AP2S1: variants seen among roughly 807,000 people sequenced by gnomAD.
AP2S1 encodes the protein adaptor related protein complex 2 subunit sigma 1, also known as AP-2 complex subunit sigma.
A neutral mutation model predicts 21.0 loss-of-function variants in AP2S1; 6 were observed. The ratio of observed to expected loss-of-function variants is 0.29; its 90% CI spans 0.16 to 0.56. The LOEUF is 0.56. Ranked by LOEUF, AP2S1 falls within the 20% of genes least tolerant of loss-of-function variation. The pLI, the probability that AP2S1 is intolerant of heterozygous loss-of-function variation, is 0.92. For synonymous variants in AP2S1, 63 were observed against 74.6 expected, an observed-to-expected ratio of 0.84 and a Z score of 0.80; for missense variants, 60 against 186.2, an observed-to-expected ratio of 0.32 and a Z score of 3.95.
At chr19:46,844,583 A>C (rs1428235074) in intron 2 of AP2S1, among the ~76,000 whole-genome samples, 1 of 151,612 alleles carries the variant, frequency 6.6e-6, no homozygotes, top group Non-Finnish European at 1.5e-5. Flanking sequence ...AGATCACTTG[A>C]GCTCAAGAGT....
chr19:46,839,774 C>A, intron 2 of AP2S1, 196 bp from the exon 3 acceptor site: 1 of 883,064 alleles, frequency 1.1e-6, no homozygotes, highest in Non-Finnish European at 1.7e-6. Context: ...CAGGCATCCC[C>A]AGAATGGACA....
chr19:46,843,502 G>A (rs528299760), intron 2 of AP2S1, among the ~76,000 whole-genome samples: 51 of 152,186 alleles, frequency 3.4e-4, no homozygotes, highest in African/African-American at 7.2e-4. Flanking sequence ...TGGGCGGATC[G>A]CTGGAGCTCA....
At chr19:46,845,098 C>G (rs1206313121) in intron 2 of AP2S1, among the ~76,000 whole-genome samples, 1 of 59,414 alleles carries the variant, frequency 1.7e-5, no homozygotes, top group Non-Finnish European at 3.2e-5. Flanking sequence ...GACTCCATTT[C>G]AGAAAAAAAA....
intron 2 of AP2S1, among the ~76,000 whole-genome samples, chr19:46,843,219 A>C: frequency 6.6e-6 from 1 of 151,760 alleles, no homozygotes; most frequent in Non-Finnish European, 1.5e-5. Flanking sequence ...CACCTCCAAA[A>C]CGCTCCTGGC....
At chr19:46,850,269 T>G (rs2055714832) in intron 1 of AP2S1, 1 of 1,234,400 alleles carries the variant, frequency 8.1e-7, no homozygotes. Context: ...CCTGCCCCTG[T>G]CTCAACATCC....
intron 1 of AP2S1, among the ~76,000 whole-genome samples, chr19:46,848,898 A>G (rs2055683425): frequency 6.6e-6 from 1 of 151,442 alleles, no homozygotes; most frequent in Admixed American, 6.6e-5. Flanking sequence ...TTTTTAGTAG[A>G]GACAGGGTTT....
At chr19:46,844,899 C>G (rs567132674) in intron 2 of AP2S1, among the ~76,000 whole-genome samples, 2 of 150,740 alleles carry the variant, frequency 1.3e-5, no homozygotes, top group African/African-American at 4.9e-5. Context: ...ATCAGGAGGT[C>G]AAGACCAGTC....
intron 2 of AP2S1, among the ~76,000 whole-genome samples, chr19:46,845,362 T>C (rs2055611714): frequency 1.3e-5 from 2 of 150,296 alleles, no homozygotes; most frequent in Non-Finnish European, 3.0e-5. Context: ...GCTGAGATCA[T>C]GCCACTGCAC....
intron 2 of AP2S1, among the ~76,000 whole-genome samples, chr19:46,844,368 C>T (rs982730628): frequency 4.6e-5 from 7 of 152,142 alleles, no homozygotes; most frequent in African/African-American, 1.7e-4. Flanking sequence ...TTCTCCTGCC[C>T]CAGGGACTTT....
Position 46,850,767 on chromosome 19 carries a change from G to A in AP2S1, c.-1C>T. On this transcript the variant is annotated 5_prime_UTR_variant, in exon 1 of 5. Transcript: ENST00000263270. ...CGGCGTAGCGCTCCCCCGTTACCATGGCGACCCCCGTCCAGACCCCAGCGG... is the reference window on the plus strand; with the variant it reads ...CGGCGTAGCGCTCCCCCGTTACCATAGCGACCCCCGTCCAGACCCCAGCGG... 3 of 1,588,294 alleles carry A rather than the reference G, an allele frequency of 1.9e-6. No homozygotes were observed. The highest frequency in any genetic ancestry group is 2.6e-6 in the Non-Finnish European group (3 of 1,164,982).
intron 3 of AP2S1, 26 bp downstream of exon 3, chr19:46,839,439 C>CCCCCCAAAA: frequency 2.5e-6 from 4 of 1,569,690 alleles, no homozygotes; most frequent in Non-Finnish European, 3.5e-6. Flanking sequence ...CCCGCCTCCC[C>CCCCCCAAAA]ACCTTACATC....
intron 1 of AP2S1, among the ~76,000 whole-genome samples, chr19:46,849,010 C>CTTTTT (rs59512372): frequency 1.8e-5 from 1 of 56,170 alleles, no homozygotes; most frequent in Non-Finnish European, 3.1e-5. Flanking sequence ...TGTGCCCAGC[C>CTTTTT]TTTTTTTTTT....
intron 2 of AP2S1, chr19:46,845,586 T>G (rs2055617117): frequency 1.2e-5 from 2 of 161,588 alleles, no homozygotes; most frequent in East Asian, 1.7e-4. Flanking sequence ...TGGCCTATTC[T>G]CTCTACTTTT....
At chr19:46,842,782 G>A in intron 2 of AP2S1, among the ~76,000 whole-genome samples, 1 of 152,104 alleles carries the variant, frequency 6.6e-6, no homozygotes, top group East Asian at 1.9e-4. Flanking sequence ...GGAGAGGTAA[G>A]TCCAACCCTG....
Position 46,850,761 on chromosome 19 carries a change from T to C in AP2S1, c.3+3A>G. On this transcript the variant is annotated splice_donor_region_variant and intron_variant, in intron 1 of 4. Coordinates refer to ENST00000263270, the MANE Select transcript of AP2S1 (RefSeq NM_004069.6). ...AGTCCCCGGCGTAGCGCTCCCCCGT[T>C]ACCATGGCGACCCCCGTCCAGACCC... The C allele has an allele frequency of 6.3e-7, 1 of 1,586,960 alleles. No individual in the cohort carries two copies. The highest frequency in any genetic ancestry group is 8.6e-7 in the Non-Finnish European group (1 of 1,162,474).
intron 1 of AP2S1, among the ~76,000 whole-genome samples, chr19:46,847,229 TCAC>T (rs1023420923): frequency 9.9e-5 from 15 of 151,442 alleles, no homozygotes; most frequent in African/African-American, 3.2e-4. Flanking sequence ...TGTGTAAAAA[TCAC>T]CACTTTTTTT....
At chr19:46,846,347 C>T (rs560156156) in intron 1 of AP2S1, among the ~76,000 whole-genome samples, 1 of 152,184 alleles carries the variant, frequency 6.6e-6, no homozygotes, top group African/African-American at 2.4e-5. Context: ...TCCAGCACCC[C>T]TGTGGAGTGA....
chr19:46,838,251 C>CGTGTACACGGTT lies in AP2S1; in HGVS notation c.*195_*196insAACCGTGTACAC, dbSNP rs2122750602. The CGTGTACACGGTT allele has an allele frequency of 1.7e-6, 1 of 601,210 alleles. No homozygotes were observed. The highest frequency in any genetic ancestry group is 2.0e-5 in the South Asian group (1 of 50,816). The allele number at this position is 601,210 out of a possible 1,614,324, so 37.2% of individuals were successfully genotyped here. On this transcript the variant is annotated 3_prime_UTR_variant, in exon 5 of 5. Coordinates refer to ENST00000263270, the MANE Select transcript of AP2S1 (RefSeq NM_004069.6). The surrounding 1 kb of genome is among the most constrained non-coding windows in gnomAD (Gnocchi z 4.1). The stretch of plus-strand genomic sequence containing the variant: ...GACAACGGCACGGTTACTCGGGACA[C>CGTGTACACGGTT]ACACGGTGGCCTCTGCCCACAGCCA...
At chr19:46,844,664 A>T (rs2055588383) in intron 2 of AP2S1, among the ~76,000 whole-genome samples, 1 of 151,866 alleles carries the variant, frequency 6.6e-6, no homozygotes, top group African/African-American at 2.4e-5. Flanking sequence ...TGGGCTTGGT[A>T]GTGCACAAGC....
Sources: allele counts gnomAD v4.1 joint callset (sites outside exome capture counted in the v4.1 genomes callset), GRCh38; gene constraint gnomAD v4.1.1; non-coding constraint Gnocchi (gnomAD v3.1); transcripts MANE v1.5; gene names NCBI Gene and HGNC (gene_info 2026-07-23, HGNC 2026-07-21).